The following HRH2 variants were observed in gnomAD, a reference collection of about 807,000 sequenced individuals.
The protein encoded by HRH2 is histamine receptor H2.
A neutral mutation model predicts 20.1 loss-of-function variants in HRH2; 4 were observed. The observed-to-expected ratio is 0.20, with a 90% CI of 0.10 to 0.45. HRH2 has a LOEUF of 0.45. Ranked by LOEUF, HRH2 falls within the 20% of genes least tolerant of loss-of-function variation. The pLI is 0.99. For missense variants in HRH2, 250 were observed against 461.6 expected (o/e 0.54, Z 4.20); for synonymous variants, 197 against 200.7 (o/e 0.98, Z 0.16).
intron 1 of HRH2, among the ~76,000 whole-genome samples, chr5:175,658,461 CGCGGGTCGGCTTT>C (rs1377879477): frequency 2.6e-5 from 4 of 152,160 alleles, no homozygotes; most frequent in African/African-American, 9.6e-5. Flanking sequence ...GTGCTCGGGA[CGCGGGTCGGCTTT>C]ATATCCCCTT....
chr5:175,661,378 G>A (rs1037936705), intron 1 of HRH2, among the ~76,000 whole-genome samples: 10 of 152,166 alleles, frequency 6.6e-5, no homozygotes, highest in Non-Finnish European at 2.9e-5. Flanking sequence ...CCCCTTAGAA[G>A]AAATACGAAA....
rs112035918 is a variant in HRH2 at position 175,672,419 on chromosome 5, G to A, written c.-525-10290G>A. ...TCTGCCACGCTCGCCAGCCCACTGC[G>A]GATGGAGGACTTTGGCCAAGTCACA... is the stretch of plus-strand genomic sequence containing the variant. On this transcript the variant is annotated intron_variant, in intron 1 of 2. Coordinates refer to ENST00000636584, the MANE Select transcript of HRH2 (RefSeq NM_001367711.1). Among the ~76,000 whole-genome samples the A allele has an allele frequency of 6.3e-3, 956 of 152,268 alleles. 10 individuals carry two copies. The highest frequency in any genetic ancestry group is 0.022 in the African/African-American group (913 of 41,546).
At chr5:175,666,362 C>T (rs781564464) in intron 1 of HRH2, among the ~76,000 whole-genome samples, 88 of 152,172 alleles carry the variant, frequency 5.8e-4, no homozygotes, top group Non-Finnish European at 1.1e-3. Flanking sequence ...CACAGGATGA[C>T]GAGTTCAGTT....
chr5:175,669,462 C>T (rs1315944750), intron 1 of HRH2, among the ~76,000 whole-genome samples: 3 of 151,314 alleles, frequency 2.0e-5, no homozygotes, highest in Non-Finnish European at 4.4e-5. Context: ...CTGCCAGGTT[C>T]AAGTGATTCT....
intron 1 of HRH2, among the ~76,000 whole-genome samples, chr5:175,674,916 A>G (rs1163631407): frequency 6.6e-6 from 1 of 152,168 alleles, no homozygotes; most frequent in Non-Finnish European, 1.5e-5. Context: ...ATGTTATCAC[A>G]AGGGCGGAAG....
At chr5:175,690,798 C>T (rs754055379) in intron 2 of HRH2, among the ~76,000 whole-genome samples, 1 of 152,180 alleles carries the variant, frequency 6.6e-6, no homozygotes, top group Non-Finnish European at 1.5e-5. Context: ...GAGGTGGCCA[C>T]GCATCTGCTT....
Position 175,686,656 on chromosome 5 carries a change from G to A in HRH2, c.1076+2347G>A, listed in dbSNP as rs1581441451. Among the ~76,000 whole-genome samples, 1 of 152,234 alleles carries A rather than the reference G, an allele frequency of 6.6e-6. No homozygotes were observed. The highest frequency in any genetic ancestry group is 2.4e-5 in the African/African-American group (1 of 41,450). On this transcript the variant is annotated intron_variant, in intron 2 of 2. Coordinates refer to ENST00000636584, the MANE Select transcript of HRH2 (RefSeq NM_001367711.1). The surrounding 1 kb of genome is among the most constrained non-coding windows in gnomAD (Gnocchi z 4.7). ...CATGGGCCCGGGAGCCCATCCCGGAGAGGAGACCTCTGAGCTTTTAAATGC... is the reference window on the plus strand; with the variant it reads ...CATGGGCCCGGGAGCCCATCCCGGAAAGGAGACCTCTGAGCTTTTAAATGC...
In HRH2 at chr5:175,708,321, T is replaced by C. The variant is rs957879990; in HGVS notation, c.*350T>C. ...GGGTGCATACGTGTAGGGACGTGCA[T>C]GACCTCTGAGCAAGGCAGAGGGTAT... On this transcript the variant is annotated 3_prime_UTR_variant, in exon 3 of 3. Coordinates refer to ENST00000636584, the MANE Select transcript of HRH2 (RefSeq NM_001367711.1). The C allele has an allele frequency of 1.0e-5, 2 of 194,226 alleles. No homozygotes were observed. Among genetic ancestry groups the C allele is most frequent in the Non-Finnish European group, 2.1e-5 (2 of 96,454 alleles). 12.0% of individuals were successfully genotyped at this position (194,226 alleles called of 1,614,324 possible). A position where few individuals can be genotyped will look rare whatever the true frequency, so the allele number is the denominator to read the frequency against.
At chr5:175,671,691 A>G (rs956319907) in intron 1 of HRH2, among the ~76,000 whole-genome samples, 2 of 152,238 alleles carry the variant, frequency 1.3e-5, no homozygotes, top group African/African-American at 2.4e-5. Flanking sequence ...TAAATGTTCA[A>G]TTGAACATCC....
intron 2 of HRH2, among the ~76,000 whole-genome samples, chr5:175,690,022 T>G (rs1482428715): frequency 6.6e-6 from 1 of 152,232 alleles, no homozygotes; most frequent in Non-Finnish European, 1.5e-5. Flanking sequence ...GCCCAGAAGA[T>G]CAGTTTCCTT....
At chr5:175,700,611 T>A (rs2102049) in intron 2 of HRH2, among the ~76,000 whole-genome samples, 30,449 of 152,074 alleles carry the variant, frequency 0.2, 5,467 homozygotes, top group African/African-American at 0.48. Context: ...GAAATTGGCC[T>A]GGCACAGTGG....
At chr5:175,703,176 T>G (rs1442747421) in intron 2 of HRH2, among the ~76,000 whole-genome samples, 1 of 152,212 alleles carries the variant, frequency 6.6e-6, no homozygotes, top group Non-Finnish European at 1.5e-5. Flanking sequence ...ATGGAATATT[T>G]AAAAAGCTGG....
At chr5:175,677,000 C>T (rs1239353004) in intron 1 of HRH2, among the ~76,000 whole-genome samples, 2 of 151,906 alleles carry the variant, frequency 1.3e-5, no homozygotes, top group Non-Finnish European at 2.9e-5. Flanking sequence ...TTTTCTTTCT[C>T]TCTTTCTTTT....
chr5:175,698,484 A>G (rs669680), intron 2 of HRH2, among the ~76,000 whole-genome samples: 2,424 of 152,246 alleles, frequency 0.016, 69 homozygotes, highest in African/African-American at 0.055. Flanking sequence ...TTATCGTGCC[A>G]TTGAGACAGT....
chr5:175,671,912 G>A (rs757531283), intron 1 of HRH2, among the ~76,000 whole-genome samples: 28 of 152,126 alleles, frequency 1.8e-4, no homozygotes, highest in East Asian at 3.9e-4. Context: ...AGTAAGCCCC[G>A]CATCGATGGA....
rs1024031335 is a variant in HRH2, at chr5:175,708,305, C to T, written c.*334C>T. 2.3e-5 allele frequency: 5 copies of T among 215,354 alleles called. No individual in the cohort carries two copies. Among genetic ancestry groups the T allele is most frequent in the Admixed American group, 5.9e-5 (1 of 17,000 alleles). The allele number at this position is 215,354 out of a possible 1,614,324, so 13.3% of individuals were successfully genotyped here. ...GCACATGTGTGTGCATGGGTGCATACGTGTAGGGACGTGCATGACCTCTGA... is the reference window on the plus strand; with the variant it reads ...GCACATGTGTGTGCATGGGTGCATATGTGTAGGGACGTGCATGACCTCTGA... On this transcript the variant is annotated 3_prime_UTR_variant, in exon 3 of 3. Coordinates refer to ENST00000636584, the MANE Select transcript of HRH2 (RefSeq NM_001367711.1).
chr5:175,700,843 G>C (rs906573944), intron 2 of HRH2, among the ~76,000 whole-genome samples: 1 of 152,100 alleles, frequency 6.6e-6, no homozygotes, highest in Non-Finnish European at 1.5e-5. Context: ...AGCTGAGATC[G>C]TGCCACTGCA....
Position 175,684,274 on chromosome 5 carries a change from G to C in HRH2, c.1041G>C (p.Gly347=), listed in dbSNP as rs762984086. ...EKPLKLQVWS[G]TEVTAPQGAT... ...CCCTGAAGCTCCAGGTGTGGAGTGG[G>C]ACAGAAGTCACGGCCCCCCAGGGAG... is the stretch of plus-strand genomic sequence containing the variant. Residue 347 remains glycine (G), a synonymous_variant, in exon 2 of 3, where the codon GGG becomes GGC. Transcript: ENST00000636584. 6.2e-7 allele frequency: 1 copy of C among 1,614,118 alleles called. No homozygotes were observed. Among genetic ancestry groups the C allele is most frequent in the South Asian group, 1.1e-5 (1 of 91,084 alleles).
In HRH2 at chr5:175,710,300, A is replaced by T. The variant is rs1025973270; in HGVS notation, c.*2329A>T. On this transcript the variant is annotated 3_prime_UTR_variant, in exon 3 of 3. Transcript: ENST00000636584. ...TTGGATGAATGATCAGAGAAAAGAG[A>T]GTGCAGAGAGTGGCCAAAACAGATG... 6.6e-6 allele frequency: 1 copy of T among 152,368 alleles called. No homozygotes were observed. Among genetic ancestry groups the T allele is most frequent in the Admixed American group, 6.5e-5 (1 of 15,286 alleles). 9.4% of individuals were successfully genotyped at this position (152,368 alleles called of 1,614,324 possible).
Sources: gnomAD v4.1 joint callset for allele counts (sites outside exome capture counted in the v4.1 genomes callset) on GRCh38, gnomAD v4.1.1 for gene constraint, Gnocchi (gnomAD v3.1) non-coding constraint, MANE v1.5 for transcripts, NCBI Gene and HGNC (gene_info 2026-07-23, HGNC 2026-07-21) for gene names.